Variants in VCAN observed in about 807,000 individuals in gnomAD.
The protein encoded by VCAN is versican core protein.
VCAN carries 44 observed loss-of-function variants against 245.5 expected under a neutral mutation model. The ratio of observed to expected loss-of-function variants is 0.18; its 90% confidence interval spans 0.14 to 0.23. VCAN has a LOEUF of 0.23. VCAN is among the 10% of genes least tolerant of loss of function. The pLI, the probability that VCAN is intolerant of heterozygous loss-of-function variation, is 1.00. For missense variants in VCAN, 3,793 were observed against 4,057.9 expected, an observed-to-expected ratio of 0.93 and a Z score of 1.77; for synonymous variants, 1,413 against 1,437.0, an observed-to-expected ratio of 0.98 and a Z score of 0.38.
At chr5:83,509,796 C>T (rs1206360090) in intron 5 of VCAN, among the ~76,000 whole-genome samples, 4 of 152,118 alleles carry the variant, frequency 2.6e-5, no homozygotes, top group South Asian at 4.1e-4. Context: ...TTCAGGATGA[C>T]GTAATTTCTC....
chr5:83,484,521 A>G (rs1288665931), intron 2 of VCAN, among the ~76,000 whole-genome samples: 2 of 148,492 alleles, frequency 1.3e-5, no homozygotes, highest in African/African-American at 5.2e-5. Flanking sequence ...CCATCCATCC[A>G]TCCATCCATC....
chr5:83,513,263 G>A (rs1745725039), intron 6 of VCAN, among the ~76,000 whole-genome samples: 1 of 152,080 alleles, frequency 6.6e-6, no homozygotes, highest in Admixed American at 6.5e-5. Flanking sequence ...GTGACCTTGG[G>A]TAATATCCAA....
chr5:83,478,836 T>C (rs1182357778), intron 1 of VCAN, among the ~76,000 whole-genome samples: 2 of 152,208 alleles, frequency 1.3e-5, no homozygotes, highest in African/African-American at 4.8e-5. Context: ...GTTGGAACTT[T>C]TACTATGGTA....
rs1747303455 is a variant in VCAN at position 83,548,064 on chromosome 5, T to C, written c.9473T>C (p.Val3158Ala). 1 of 1,613,744 alleles carries C rather than the reference T, an allele frequency of 6.2e-7. No individual in the cohort carries two copies. Among genetic ancestry groups the C allele is most frequent in the South Asian group, 1.1e-5 (1 of 91,080 alleles). Residue 3158 changes from valine to alanine, a missense_variant, in exon 10 of 15, where the codon GTT becomes GCT. Val to Ala is a moderately conservative substitution (Grantham distance 64, BLOSUM62 0). Coordinates refer to ENST00000265077, the MANE Select transcript of VCAN (RefSeq NM_004385.5). Reference protein sequence around the residue: ...TFRCLCLPSYVGALCEQDTET... With the variant: ...TFRCLCLPSYAGALCEQDTET... Reference sequence around the variant, plus strand: ...AGGTGCCTCTGCCTTCCAAGTTATGTTGGTGCACTTTGTGAGCAAGGTAAG... The same window carrying C: ...AGGTGCCTCTGCCTTCCAAGTTATGCTGGTGCACTTTGTGAGCAAGGTAAG...
Position 83,520,053 on chromosome 5 carries a change from T to C in VCAN, c.1747T>C (p.Ser583Pro), listed in dbSNP as rs1202332324. 5 of 1,613,938 alleles carry C rather than the reference T, an allele frequency of 3.1e-6. No individual in the cohort carries two copies. Among genetic ancestry groups the C allele is most frequent in the Non-Finnish European group, 4.2e-6 (5 of 1,179,966 alleles). Residue 583 changes from serine to proline, a missense_variant, in exon 7 of 15, where the codon TCA (serine) becomes CCA (proline). By Grantham distance (74) the Ser-to-Pro change is moderately conservative. This residue lies in a region of VCAN where 3,182 missense variants were observed against 3,250.3 expected (regional missense o/e 0.98). Coordinates refer to ENST00000265077, the MANE Select transcript of VCAN (RefSeq NM_004385.5). ...CCAAATTCCTGAAGTCATTACGGTG[T>C]CAAAGACTTCAGAAGACACCATCCA... ...FDQIPEVITV[S>P]KTSEDTIHTH...
At position 83,520,530 on chromosome 5, in the gene VCAN, G is replaced by A; in HGVS notation, c.2224G>A (p.Glu742Lys). 6.2e-7 allele frequency: 1 copy of A among 1,613,978 alleles called. No individual in the cohort carries two copies. Among genetic ancestry groups the A allele is most frequent in the Non-Finnish European group, 8.5e-7 (1 of 1,179,950 alleles). ...AATTCATGTTACAGAGTCTTCTGTG[G>A]AAATGACCAAGTCTTTTGATTTCCC... ...EPIHVTESSVEMTKSFDFPTL... is the reference protein window; with the variant it reads ...EPIHVTESSVKMTKSFDFPTL... The change falls in exon 7 of 15, where the codon GAA becomes AAA. Residue 742 changes from glutamate (E) to lysine (K), a missense_variant. By Grantham distance (56) the Glu-to-Lys change is moderately conservative. Coordinates refer to ENST00000265077, the MANE Select transcript of VCAN (RefSeq NM_004385.5).
chr5:83,544,530 G>A (rs548547895), intron 8 of VCAN, among the ~76,000 whole-genome samples: 2 of 152,208 alleles, frequency 1.3e-5, no homozygotes, highest in South Asian at 2.1e-4. Flanking sequence ...TTATTTCAGG[G>A]TTTCAGGACT....
intron 12 of VCAN, among the ~76,000 whole-genome samples, chr5:83,560,240 A>G (rs1747816588): frequency 6.6e-6 from 1 of 152,134 alleles, no homozygotes; most frequent in East Asian, 1.9e-4. Context: ...TTTTCCATGA[A>G]ACTTTAAGAA....
chr5:83,520,316 A>G lies in VCAN; in HGVS notation c.2010A>G (p.Thr670=). The part of the protein sequence containing the change: ...GDKILVEGIS[T]VIYPSLQTEM... ...AAATATTAGTAGAGGGAATTTCCAC[A>G]GTTATTTATCCTTCTCTACAAACAG... is the stretch of plus-strand genomic sequence containing the variant. The change falls in exon 7 of 15, where the codon ACA becomes ACG. Residue 670 remains threonine (T), a synonymous_variant. Coordinates refer to ENST00000265077, the MANE Select transcript of VCAN (RefSeq NM_004385.5). The G allele has an allele frequency of 6.2e-7, 1 of 1,613,886 alleles. No individual in the cohort carries two copies. Among genetic ancestry groups the G allele is most frequent in the Non-Finnish European group, 8.5e-7 (1 of 1,179,950 alleles).
Position 83,541,897 on chromosome 5 carries a change from A to G in VCAN, c.8894A>G (p.Glu2965Gly). The change falls in exon 8 of 15, where the codon GAA becomes GGA. Residue 2965 changes from glutamate (E) to glycine (G), a missense_variant. This residue lies in a region of VCAN where 3,182 missense variants were observed against 3,250.3 expected (regional missense o/e 0.98). Coordinates refer to ENST00000265077, the MANE Select transcript of VCAN (RefSeq NM_004385.5). The stretch of plus-strand genomic sequence containing the variant: ...GGAACTGTTATTACAACTGCCGATG[A>G]AATTGAATTAGAAGGTGCTACACAG... ...EAGTVITTAD[E>G]IELEGATQWP... The G allele has an allele frequency of 6.2e-7, 1 of 1,614,134 alleles. No individual in the cohort carries two copies.
intron 12 of VCAN, among the ~76,000 whole-genome samples, chr5:83,559,851 C>A (rs752500792): frequency 3.9e-5 from 6 of 152,034 alleles, no homozygotes; most frequent in African/African-American, 1.4e-4. Context: ...CATTGCTCAG[C>A]CAACTCTATC....
chr5:83,514,632 T>C (rs1745785916), intron 6 of VCAN, among the ~76,000 whole-genome samples: 1 of 152,094 alleles, frequency 6.6e-6, no homozygotes, highest in South Asian at 2.1e-4. Flanking sequence ...GCTAATTTTG[T>C]GTTTTTAGTA....
chr5:83,534,489 A>G (rs309561), intron 7 of VCAN, among the ~76,000 whole-genome samples: 14,780 of 151,984 alleles, frequency 0.097, 1,016 homozygotes, highest in South Asian at 0.33. Flanking sequence ...CTCTGTACTT[A>G]AATGAAAGTT....
intron 1 of VCAN, among the ~76,000 whole-genome samples, chr5:83,476,931 G>C (rs1302792167): frequency 6.6e-6 from 1 of 152,062 alleles, no homozygotes; most frequent in Non-Finnish European, 1.5e-5. Context: ...AGGTGTTTAT[G>C]TCTATAAAAT....
rs1746969016 is a variant in VCAN, at chr5:83,541,148, C to T, written c.8145C>T (p.Ala2715=). ...EIEGIKAEAK[A]LDDMFESSTL... ...AAGGAATAAAAGCTGAAGCAAAAGCCCTGGATGACATGTTTGAATCAAGCA... is the reference window on the plus strand; with the variant it reads ...AAGGAATAAAAGCTGAAGCAAAAGCTCTGGATGACATGTTTGAATCAAGCA... Residue 2715 remains alanine (A), a synonymous_variant, in exon 8 of 15, where the codon GCC becomes GCT. Coordinates refer to ENST00000265077, the MANE Select transcript of VCAN (RefSeq NM_004385.5). The T allele has an allele frequency of 1.2e-6, 2 of 1,613,922 alleles. No homozygotes were observed. Among genetic ancestry groups the T allele is most frequent in the Non-Finnish European group, 1.7e-6 (2 of 1,180,002 alleles).
intron 9 of VCAN, among the ~76,000 whole-genome samples, chr5:83,546,270 T>A (rs1747215648): frequency 6.6e-6 from 1 of 151,978 alleles, no homozygotes; most frequent in African/African-American, 2.4e-5. Flanking sequence ...AGTGTTGATT[T>A]GGCTACATAT....
chr5:83,522,373 T>G, intron 7 of VCAN, 64 bp downstream of exon 7: 1 of 1,575,414 alleles, frequency 6.3e-7, no homozygotes, highest in Non-Finnish European at 8.6e-7. Flanking sequence ...AAGTTACTTT[T>G]GGGGAAAAAA....
At chr5:83,534,634 A>G (rs1403610487) in intron 7 of VCAN, among the ~76,000 whole-genome samples, 3 of 152,072 alleles carry the variant, frequency 2.0e-5, no homozygotes, top group Admixed American at 2.0e-4. Context: ...TAGTGTGAGC[A>G]GTTTAAGATA....
chr5:83,543,110 G>T (rs1390028733), intron 8 of VCAN, among the ~76,000 whole-genome samples: 1 of 152,116 alleles, frequency 6.6e-6, no homozygotes, highest in Non-Finnish European at 1.5e-5. Context: ...TCTTTTCACT[G>T]CTCTTTGCTG....
Sources: gnomAD v4.1 joint callset for allele counts (sites outside exome capture counted in the v4.1 genomes callset) on GRCh38, gnomAD v4.1.1 for gene constraint, gnomAD v4.1.1 regional missense constraint, MANE v1.5 for transcripts, NCBI Gene and HGNC (gene_info 2026-07-23, HGNC 2026-07-21) for gene names.